Variants in NCAM2 observed in about 807,000 individuals in gnomAD.
The protein encoded by NCAM2 is neural cell adhesion molecule 2.
NCAM2 carries 30 observed loss-of-function variants against 98.1 expected under a neutral mutation model. The observed-to-expected ratio is 0.31, with a 90% confidence interval of 0.23 to 0.41. The LOEUF (loss-of-function observed/expected upper bound fraction) is 0.41. Among genes scored for constraint, NCAM2 ranks in the 10% least tolerant of loss-of-function variants. NCAM2 has a pLI of 1.00. For synonymous variants in NCAM2, 368 were observed against 342.4 expected, an observed-to-expected ratio of 1.07 and a Z score of -0.83; for missense variants, 867 against 1,005.8, an observed-to-expected ratio of 0.86 and a Z score of 1.87.
intron 1 of NCAM2, among the ~76,000 whole-genome samples, chr21:21,197,513 A>G (rs2069048001): frequency 6.6e-6 from 1 of 152,160 alleles, no homozygotes; most frequent in Non-Finnish European, 1.5e-5. Context: ...CAAACAAAAT[A>G]TATTTTATAA....
At chr21:21,369,666 C>T (rs1446865023) in intron 8 of NCAM2, among the ~76,000 whole-genome samples, 5 of 151,776 alleles carry the variant, frequency 3.3e-5, no homozygotes, top group Non-Finnish European at 5.9e-5. Context: ...TAAGTGGTAT[C>T]ATGATTTTGA....
intron 10 of NCAM2, among the ~76,000 whole-genome samples, chr21:21,415,203 C>A (rs955213623): frequency 6.6e-6 from 1 of 152,128 alleles, no homozygotes. Flanking sequence ...AGTTTGAACC[C>A]TGCCCTTTAC....
chr21:21,257,930 G>A (rs1255607052), intron 1 of NCAM2, among the ~76,000 whole-genome samples: 4 of 152,160 alleles, frequency 2.6e-5, no homozygotes, highest in African/African-American at 9.7e-5. Flanking sequence ...GTATGGTGAA[G>A]AGGTGAGATC....
At chr21:21,170,898 A>G (rs961218411) in intron 1 of NCAM2, among the ~76,000 whole-genome samples, 3 of 152,164 alleles carry the variant, frequency 2.0e-5, no homozygotes, top group African/African-American at 4.8e-5. Context: ...CTTTCTTGTC[A>G]GCTTTGCTGT....
intron 14 of NCAM2, among the ~76,000 whole-genome samples, chr21:21,471,334 G>A (rs1443005480): frequency 1.3e-5 from 2 of 151,932 alleles, no homozygotes; most frequent in Non-Finnish European, 2.9e-5. Flanking sequence ...TCCAATTGGA[G>A]ATACCATGAT....
intron 1 of NCAM2, among the ~76,000 whole-genome samples, chr21:21,183,673 G>A (rs2068549279): frequency 1.3e-5 from 2 of 152,082 alleles, no homozygotes; most frequent in South Asian, 4.1e-4. Context: ...TTCAATGTAT[G>A]AAATCCCAAG....
At chr21:21,279,941 C>T (rs528922285) in intron 1 of NCAM2, among the ~76,000 whole-genome samples, 1 of 152,304 alleles carries the variant, frequency 6.6e-6, no homozygotes, top group Non-Finnish European at 1.5e-5. Context: ...TAACACTTTG[C>T]TTATCTTCTA....
At chr21:21,532,715 T>C (rs992821876) in intron 16 of NCAM2, among the ~76,000 whole-genome samples, 2 of 152,180 alleles carry the variant, frequency 1.3e-5, no homozygotes, top group African/African-American at 4.8e-5. Context: ...CTCCTGTATG[T>C]CATCACAAAC....
chr21:21,523,159 G>T (rs541089976), intron 16 of NCAM2, among the ~76,000 whole-genome samples: 1 of 152,070 alleles, frequency 6.6e-6, no homozygotes, highest in East Asian at 1.9e-4. Context: ...TTTACTGATG[G>T]TTTCCCTTGC....
At chr21:21,505,204 T>A (rs1021846536) in intron 15 of NCAM2, among the ~76,000 whole-genome samples, 2 of 152,020 alleles carry the variant, frequency 1.3e-5, no homozygotes, top group Non-Finnish European at 2.9e-5. Context: ...TTCACCATAA[T>A]AAAATAGGGC....
At chr21:21,339,770 T>A (rs1387985415) in intron 8 of NCAM2, among the ~76,000 whole-genome samples, 2 of 151,824 alleles carry the variant, frequency 1.3e-5, no homozygotes, top group South Asian at 4.2e-4. Context: ...ACCCATAAAT[T>A]CACCAAAAAA....
At chr21:21,164,017 G>A (rs560022815) in intron 1 of NCAM2, among the ~76,000 whole-genome samples, 2 of 152,108 alleles carry the variant, frequency 1.3e-5, no homozygotes, top group East Asian at 1.9e-4. Flanking sequence ...ATCACTGCAA[G>A]TGTACTTGGA....
intron 11 of NCAM2, among the ~76,000 whole-genome samples, chr21:21,426,377 T>C (rs544843342): frequency 1.2e-4 from 19 of 152,298 alleles, no homozygotes; most frequent in African/African-American, 4.6e-4. Context: ...CAGTTACTTA[T>C]GTTCCAATTC....
chr21:21,472,580 C>A (rs1466496705), intron 14 of NCAM2, among the ~76,000 whole-genome samples: 3 of 151,738 alleles, frequency 2.0e-5, no homozygotes, highest in Non-Finnish European at 4.4e-5. Flanking sequence ...TATAGATAGA[C>A]TATGTGTTGT....
At chr21:21,039,307 T>A (rs1299351159) in intron 1 of NCAM2, among the ~76,000 whole-genome samples, 2 of 152,180 alleles carry the variant, frequency 1.3e-5, no homozygotes, top group Non-Finnish European at 2.9e-5. Flanking sequence ...TTTTACAAGA[T>A]TTGCAGTTCC....
intron 5 of NCAM2, among the ~76,000 whole-genome samples, chr21:21,300,488 G>C (rs2073673420): frequency 6.6e-6 from 1 of 151,894 alleles, no homozygotes; most frequent in South Asian, 2.1e-4. Flanking sequence ...TATCTTTGAA[G>C]ATATTGATAG....
chr21:21,049,974 T>G (rs1353619891), intron 1 of NCAM2, among the ~76,000 whole-genome samples: 1 of 152,214 alleles, frequency 6.6e-6, no homozygotes, highest in Non-Finnish European at 1.5e-5. Flanking sequence ...TTAGGAGCAT[T>G]TGAAGATAGC....
At chr21:21,285,717 C>G (rs1046264772) in intron 3 of NCAM2, among the ~76,000 whole-genome samples, 4 of 151,792 alleles carry the variant, frequency 2.6e-5, no homozygotes, top group Non-Finnish European at 5.9e-5. Flanking sequence ...GGTGTGTATC[C>G]ACTATAATTC....
At chr21:21,345,234 AG>A (rs2075155397) in intron 8 of NCAM2, among the ~76,000 whole-genome samples, 1 of 152,132 alleles carries the variant, frequency 6.6e-6, no homozygotes, top group South Asian at 2.1e-4. Flanking sequence ...AACATCTACT[AG>A]CATTAACACC....
Sources: allele counts gnomAD v4.1 joint callset (sites outside exome capture counted in the v4.1 genomes callset), GRCh38; gene constraint gnomAD v4.1.1; transcripts MANE v1.5; gene names NCBI Gene and HGNC (gene_info 2026-07-23, HGNC 2026-07-21).